Variants in INSL6 observed in about 807,000 individuals in gnomAD.
The protein encoded by INSL6 is insulin like 6, also known as insulin-like peptide INSL6.
A neutral mutation model predicts 9.4 loss-of-function variants in INSL6; 16 were observed. The observed-to-expected ratio is 1.70, with a 90% confidence interval of 1.15 to 2.59. The LOEUF (loss-of-function observed/expected upper bound fraction) is 2.59, where lower values mean the gene tolerates loss of function less well. Ranked by LOEUF, INSL6 falls within the 30% of genes most tolerant of loss-of-function variation. The probability of loss-of-function intolerance (pLI) is 0.00; values close to 1 mark genes in which losing one functional copy is unlikely to be tolerated. For missense variants in INSL6, 391 were observed against 257.3 expected (o/e 1.52, Z -3.56); for synonymous variants, 154 against 96.9 (o/e 1.59, Z -3.46).
the INSL6 span, among the ~76,000 whole-genome samples, chr9:5,023,028 C>T: frequency 6.6e-6 from 1 of 152,156 alleles, no homozygotes; most frequent in Non-Finnish European, 1.5e-5. Flanking sequence ...ATTTCAAGTT[C>T]CTTCTAGCTA....
intron 1 of INSL6, among the ~76,000 whole-genome samples, chr9:5,179,002 C>T (rs7030853): frequency 0.38 from 57,329 of 150,218 alleles, 12,397 homozygotes; most frequent in African/African-American, 0.61. Context: ...AAATCAAAAA[C>T]TGACAAACGG....
chr9:5,064,012 C>T, the INSL6 span, among the ~76,000 whole-genome samples: 10 of 151,574 alleles, frequency 6.6e-5, no homozygotes, highest in South Asian at 2.1e-4. Context: ...AAAAATTAGC[C>T]GGGCGTCTTG....
the INSL6 span, among the ~76,000 whole-genome samples, chr9:5,039,142 G>A: frequency 1.3e-5 from 2 of 152,060 alleles, no homozygotes; most frequent in South Asian, 2.1e-4. Context: ...ACACTATACT[G>A]TAGATTCAGG....
intron 1 of INSL6, among the ~76,000 whole-genome samples, chr9:5,173,295 C>G (rs569297641): frequency 6.6e-6 from 1 of 152,230 alleles, no homozygotes; most frequent in East Asian, 1.9e-4. Context: ...ATAAATCATT[C>G]TATTACAAAG....
At chr9:5,068,012 T>C in the INSL6 span, among the ~76,000 whole-genome samples, 1 of 151,934 alleles carries the variant, frequency 6.6e-6, no homozygotes, top group Non-Finnish European at 1.5e-5. Context: ...TTACAAAAAT[T>C]AGCTGGGCAT....
At chr9:5,173,072 A>C (rs906082587) in intron 1 of INSL6, among the ~76,000 whole-genome samples, 5 of 152,242 alleles carry the variant, frequency 3.3e-5, no homozygotes, top group Non-Finnish European at 7.3e-5. Flanking sequence ...ATGAGATACT[A>C]TCTCACGACA....
At chr9:5,085,927 C>G in the INSL6 span, 5 of 1,075,244 alleles carry the variant, frequency 4.7e-6, no homozygotes, top group Non-Finnish European at 5.8e-6. Flanking sequence ...CCTTTCAAGT[C>G]TCTCCAACCG....
the INSL6 span, chr9:5,021,914 T>G: frequency 4.5e-6 from 5 of 1,111,990 alleles, no homozygotes; most frequent in Non-Finnish European, 5.4e-6. Flanking sequence ...ATTACAGGTG[T>G]GAGACACTGC....
At chr9:5,023,436 G>C in the INSL6 span, among the ~76,000 whole-genome samples, 1 of 152,200 alleles carries the variant, frequency 6.6e-6, no homozygotes, top group African/African-American at 2.4e-5. Flanking sequence ...TAGGACTCGG[G>C]GGGAGCGTGG....
chr9:5,163,280 T>C (rs553524355), downstream of INSL6, among the ~76,000 whole-genome samples: 5 of 152,334 alleles, frequency 3.3e-5, no homozygotes, highest in East Asian at 9.6e-4. Flanking sequence ...TACAGGTTTC[T>C]CAAACATTGA....
At chr9:5,029,823 T>C in the INSL6 span, 1 of 1,611,492 alleles carries the variant, frequency 6.2e-7, no homozygotes, top group Non-Finnish European at 8.5e-7. Flanking sequence ...CTTTAATGAG[T>C]GAAACAGAAA....
chr9:5,032,034 A>T, the INSL6 span, among the ~76,000 whole-genome samples: 2 of 152,208 alleles, frequency 1.3e-5, no homozygotes, highest in East Asian at 3.9e-4. Flanking sequence ...GACAGACGGC[A>T]CCTGGAAAAT....
At chr9:5,029,338 C>T in the INSL6 span, among the ~76,000 whole-genome samples, 1 of 151,986 alleles carries the variant, frequency 6.6e-6, no homozygotes, top group Non-Finnish European at 1.5e-5. Flanking sequence ...TCATAGCGGC[C>T]CCAAATGATT....
chr9:4,993,886 TCC>T, the INSL6 span, among the ~76,000 whole-genome samples: 1 of 152,220 alleles, frequency 6.6e-6, no homozygotes, highest in African/African-American at 2.4e-5. Context: ...TCCAATTTCC[TCC>T]CACATTCCAA....
chr9:5,142,402 G>A (rs1175665367), intron 2 of INSL6, among the ~76,000 whole-genome samples: 3 of 152,124 alleles, frequency 2.0e-5, no homozygotes, highest in East Asian at 1.9e-4. Context: ...GCAGTTGTTT[G>A]TAGTTCTCCT....
downstream of INSL6, among the ~76,000 whole-genome samples, chr9:5,119,015 T>G (rs1326963532): frequency 6.6e-6 from 1 of 152,182 alleles, no homozygotes; most frequent in Non-Finnish European, 1.5e-5. Context: ...ACTAATACAT[T>G]CAGAAAAGTT....
chr9:4,994,656 G>T, the INSL6 span, among the ~76,000 whole-genome samples: 1 of 152,138 alleles, frequency 6.6e-6, no homozygotes, highest in Admixed American at 6.5e-5. Context: ...ATGAACAGAC[G>T]TGGCTCATGG....
chr9:5,026,003 C>G, the INSL6 span, among the ~76,000 whole-genome samples: 4 of 152,134 alleles, frequency 2.6e-5, no homozygotes, highest in Admixed American at 2.6e-4. Flanking sequence ...TAGTGTTTAT[C>G]TGTGCCTCTT....
At chr9:5,120,739 T>C (rs1301461982), downstream of INSL6, among the ~76,000 whole-genome samples, 2 of 152,168 alleles carry the variant, frequency 1.3e-5, no homozygotes, top group African/African-American at 4.8e-5. Flanking sequence ...GGAGACTGAT[T>C]GGAGATATTT....
Sources: allele counts gnomAD v4.1 joint callset (sites outside exome capture counted in the v4.1 genomes callset), GRCh38; gene constraint gnomAD v4.1.1; transcripts MANE v1.5; gene names NCBI Gene and HGNC (gene_info 2026-07-23, HGNC 2026-07-21).